The following TACC1 variants were observed in gnomAD, a reference collection of about 807,000 sequenced individuals.
TACC1 encodes the protein transforming acidic coiled-coil containing protein 1, also known as transforming acidic coiled-coil-containing protein 1.
A neutral mutation model predicts 84.4 loss-of-function variants in TACC1; 48 were observed. The observed-to-expected ratio is 0.57, with a 90% CI of 0.45 to 0.72. TACC1 has a LOEUF of 0.72. Ranked by LOEUF, TACC1 falls within the 30% of genes least tolerant of loss-of-function variation. The pLI is 0.00. For missense variants in TACC1, 920 were observed against 973.0 expected, an observed-to-expected ratio of 0.95 and a Z score of 0.72; for synonymous variants, 372 against 376.3, an observed-to-expected ratio of 0.99 and a Z score of 0.13.
chr8:38,794,453 A>T (rs915183750), intron 2 of TACC1, among the ~76,000 whole-genome samples: 2 of 152,164 alleles, frequency 1.3e-5, no homozygotes, highest in Non-Finnish European at 2.9e-5. Context: ...AATGTCTTTA[A>T]TGTAACTTCG....
intron 8 of TACC1, chr8:38,839,400 C>G (rs116095008): frequency 0.014 from 5,485 of 392,536 alleles, 254 homozygotes; most frequent in African/African-American, 0.1. Flanking sequence ...ATAAATAATT[C>G]ACACACAGTG....
intron 3 of TACC1, chr8:38,824,062 G>A (rs369343071): frequency 5.9e-6 from 8 of 1,345,222 alleles, no homozygotes; most frequent in South Asian, 5.7e-5. Flanking sequence ...CCCTGGGACC[G>A]TTGGCAGTTT....
chr8:38,763,029 A>T (rs1811525113), intron 3 of TACC1, among the ~76,000 whole-genome samples: 1 of 152,184 alleles, frequency 6.6e-6, no homozygotes, highest in East Asian at 1.9e-4. Flanking sequence ...ACCATTTGTC[A>T]TTCCCACCAA....
At position 38,787,636 on chromosome 8, in the gene TACC1, G is replaced by A; in HGVS notation, c.54G>A (p.Thr18=). 6.5e-7 allele frequency: 1 copy of A among 1,549,126 alleles called. No homozygotes were observed. Among genetic ancestry groups the A allele is most frequent in the Non-Finnish European group, 8.7e-7 (1 of 1,146,856 alleles). The change falls in exon 1 of 13, where the codon ACG becomes ACA. Residue 18 remains threonine, a synonymous_variant. Coordinates refer to ENST00000317827, the MANE Select transcript of TACC1 (RefSeq NM_006283.3). ...ILSPVQWAKW[T]WSAVRGGAAG... is the part of the protein sequence containing the mutation. ...CCCCCGTGCAGTGGGCGAAATGGAC[G>A]TGGTCTGCGGTACGCGGCGGGGCCG...
At chr8:38,735,362 T>C (rs1231963443) in intron 1 of TACC1, among the ~76,000 whole-genome samples, 1 of 152,154 alleles carries the variant, frequency 6.6e-6, no homozygotes, top group African/African-American at 2.4e-5. Flanking sequence ...GCTGGATTTT[T>C]CCATTTGGCC....
At chr8:38,783,102 CTATCTA>C (rs149822262), upstream of TACC1, among the ~76,000 whole-genome samples, 3,914 of 96,984 alleles carry the variant, frequency 0.04, 127 homozygotes, top group African/African-American at 0.1. Context: ...ATCTATCTAT[CTATCTA>C]TATATATATA....
intron 7 of TACC1, 57 bp downstream of exon 7, chr8:38,836,344 A>G (rs1244338434): frequency 1.1e-5 from 18 of 1,581,496 alleles, no homozygotes; most frequent in Non-Finnish European, 1.5e-5. Context: ...AGGCCCATGT[A>G]CCAGCAGGTA....
chr8:38,790,901 A>G (rs377220207), intron 2 of TACC1, among the ~76,000 whole-genome samples: 4 of 152,228 alleles, frequency 2.6e-5, no homozygotes, highest in African/African-American at 9.6e-5. Flanking sequence ...TGTGCGACGC[A>G]TAGCTGTGTA....
intron 3 of TACC1, chr8:38,745,504 T>A: frequency 1.5e-6 from 1 of 687,874 alleles, no homozygotes; most frequent in East Asian, 2.7e-5. Context: ...GCAAGGGTTT[T>A]AATTTTTGTT....
chr8:38,778,274 T>TTGTGTGTGTGTGTGTG (rs3076914), intron 3 of TACC1, among the ~76,000 whole-genome samples: 13 of 148,256 alleles, frequency 8.8e-5, no homozygotes, highest in African/African-American at 3.2e-4. Flanking sequence ...ATAATTAAAA[T>TTGTGTGTGTGTGTGTG]TGTGTGTGTG....
At position 38,825,288 on chromosome 8, in the gene TACC1, T is replaced by G. The variant is rs768320776; in HGVS notation, c.1392-20T>G. 4.3e-6 allele frequency: 7 copies of G among 1,613,962 alleles called. No individual in the cohort carries two copies. The South Asian group carries it at 7.7e-5, about 18-fold the overall frequency. The stretch of plus-strand genomic sequence containing the variant: ...CAGTGTGATTGCAAACTGGCTTGTT[T>G]GTGTTTCTTCTCTTTCCAGGAGTGG... On this transcript the variant is annotated intron_variant, in intron 3 of 12. Transcript: ENST00000317827.
chr8:38,840,417 C>A, intron 9 of TACC1, 150 bp downstream of exon 9: 2 of 635,824 alleles, frequency 3.1e-6, no homozygotes, highest in South Asian at 2.0e-5. Context: ...AAGGTGCCCA[C>A]AGATGAGATG....
chr8:38,847,184 T>C (rs1832477147), intron 12 of TACC1, among the ~76,000 whole-genome samples: 1 of 152,182 alleles, frequency 6.6e-6, no homozygotes, highest in African/African-American at 2.4e-5. Flanking sequence ...GGTTTGCAGT[T>C]GGGGGCAGTT....
At chr8:38,733,043 A>G (rs897918821) in intron 1 of TACC1, among the ~76,000 whole-genome samples, 1 of 152,254 alleles carries the variant, frequency 6.6e-6, no homozygotes. Flanking sequence ...GCATAATTGC[A>G]TCTGAGCAAG....
intron 6 of TACC1, among the ~76,000 whole-genome samples, chr8:38,835,602 T>G (rs1830073250): frequency 6.6e-6 from 1 of 152,256 alleles, no homozygotes; most frequent in Non-Finnish European, 1.5e-5. Context: ...AAGTTCAGGA[T>G]GATCCTGAAT....
At chr8:38,773,997 G>T (rs1814265491) in intron 3 of TACC1, among the ~76,000 whole-genome samples, 2 of 152,074 alleles carry the variant, frequency 1.3e-5, no homozygotes, top group Non-Finnish European at 1.5e-5. Flanking sequence ...GGTCTTCTAG[G>T]CTGTCATGCC....
At chr8:38,767,016 A>G (rs1043958853) in intron 3 of TACC1, among the ~76,000 whole-genome samples, 4 of 152,184 alleles carry the variant, frequency 2.6e-5, no homozygotes, top group Non-Finnish European at 5.9e-5. Flanking sequence ...CTAAATAGCT[A>G]TAGAGAAATC....
At chr8:38,803,713 T>A (rs895955320) in intron 2 of TACC1, among the ~76,000 whole-genome samples, 1 of 152,214 alleles carries the variant, frequency 6.6e-6, no homozygotes, top group African/African-American at 2.4e-5. Flanking sequence ...AAGATGCTGG[T>A]CTGTAGTTTT....
chr8:38,746,301 T>G (rs1808082752), intron 3 of TACC1, among the ~76,000 whole-genome samples: 1 of 152,314 alleles, frequency 6.6e-6, no homozygotes, highest in East Asian at 1.9e-4. Context: ...GCCCCCTTTT[T>G]TGGTTGCTCT....
Sources: gnomAD v4.1 joint callset for allele counts (sites outside exome capture counted in the v4.1 genomes callset) on GRCh38, gnomAD v4.1.1 for gene constraint, MANE v1.5 for transcripts, NCBI Gene and HGNC (gene_info 2026-07-23, HGNC 2026-07-21) for gene names.